The following ARHGAP24 variants were observed in gnomAD, a reference collection of about 807,000 sequenced individuals.
ARHGAP24 encodes the protein Rho GTPase activating protein 24.
ARHGAP24 carries 50 observed loss-of-function variants against 76.4 expected under a neutral mutation model. The observed-to-expected ratio is 0.65, with a 90% CI of 0.52 to 0.83. ARHGAP24 has a LOEUF of 0.83. Ranked by LOEUF, ARHGAP24 falls within the 40% of genes least tolerant of loss-of-function variation. The pLI, the probability that ARHGAP24 is intolerant of heterozygous loss-of-function variation, is 0.00. For synonymous variants in ARHGAP24, 345 were observed against 323.3 expected (o/e 1.07, Z -0.72); for missense variants, 930 against 914.2 (o/e 1.02, Z -0.22).
At chr4:85,734,368 T>C (rs1215182129) in intron 3 of ARHGAP24, among the ~76,000 whole-genome samples, 1 of 37,114 alleles carries the variant, frequency 2.7e-5, no homozygotes, top group Non-Finnish European at 1.5e-4. Flanking sequence ...TATTTGTGTA[T>C]TTTTTTCTTT....
intron 1 of ARHGAP24, among the ~76,000 whole-genome samples, chr4:85,536,892 G>C (rs1277161770): frequency 2.0e-5 from 3 of 152,064 alleles, no homozygotes; most frequent in Non-Finnish European, 4.4e-5. Context: ...TTAGGTCATA[G>C]GTGATTTTAT....
intron 2 of ARHGAP24, among the ~76,000 whole-genome samples, chr4:85,623,757 T>C (rs1720813423): frequency 6.6e-6 from 1 of 152,004 alleles, no homozygotes; most frequent in African/African-American, 2.4e-5. Context: ...TGTATCTTCT[T>C]TTATTTCATT....
chr4:85,718,553 T>C (rs1024350484), intron 2 of ARHGAP24, among the ~76,000 whole-genome samples: 1 of 152,124 alleles, frequency 6.6e-6, no homozygotes, highest in Admixed American at 6.6e-5. Flanking sequence ...TTTCCCTTAG[T>C]TATGGACTTT....
chr4:85,524,593 T>C (rs1288230465), intron 1 of ARHGAP24, among the ~76,000 whole-genome samples: 1 of 152,170 alleles, frequency 6.6e-6, no homozygotes, highest in African/African-American at 2.4e-5. Context: ...AGAGGATAAG[T>C]AACTTGCATA....
chr4:85,746,584 A>G (rs940516722), intron 3 of ARHGAP24, among the ~76,000 whole-genome samples: 2 of 152,032 alleles, frequency 1.3e-5, no homozygotes, highest in African/African-American at 2.4e-5. Context: ...TTGTGCCTGC[A>G]TGTATCTTTT....
chr4:85,738,082 A>G (rs2624020), intron 3 of ARHGAP24, among the ~76,000 whole-genome samples: 142,686 of 151,876 alleles, frequency 0.94, 67,704 homozygotes, highest in East Asian at 1. Context: ...CACCATGCCC[A>G]GCTAATTTTT....
chr4:85,695,283 A>C (rs1723827255), intron 2 of ARHGAP24, among the ~76,000 whole-genome samples: 1 of 152,220 alleles, frequency 6.6e-6, no homozygotes, highest in Admixed American at 6.5e-5. Context: ...CTTTCTAAAG[A>C]CCATGGTTCA....
At chr4:85,676,034 A>G (rs180837089) in intron 2 of ARHGAP24, among the ~76,000 whole-genome samples, 110 of 152,270 alleles carry the variant, frequency 7.2e-4, no homozygotes, top group Admixed American at 2.8e-3. Flanking sequence ...AGAAATGAAA[A>G]CAGTTTCCTA....
intron 3 of ARHGAP24, among the ~76,000 whole-genome samples, chr4:85,812,305 G>C (rs995693211): frequency 6.6e-5 from 10 of 152,106 alleles, no homozygotes; most frequent in Non-Finnish European, 1.3e-4. Flanking sequence ...ATGATTACTT[G>C]ATAATAACTA....
chr4:85,495,700 G>A (rs1302340025), intron 1 of ARHGAP24, among the ~76,000 whole-genome samples: 3 of 152,048 alleles, frequency 2.0e-5, no homozygotes, highest in African/African-American at 7.2e-5. Flanking sequence ...TATGAGGGGA[G>A]ATTGACTACT....
In ARHGAP24 at chr4:85,974,953, TATTTGC is replaced by T. The variant is rs1273848607; in HGVS notation, c.800_805del (p.Ile267_Cys268del). On this transcript the variant is annotated inframe_deletion and splice_region_variant, in exon 7 of 10. Coordinates refer to ENST00000395184, the MANE Select transcript of ARHGAP24 (RefSeq NM_001025616.3). ...TGGTAAATTACAACCTCCTCAAGTA[TATTTGC>T]AGGTAAGAACTGTCCTAAGGACAAA... 6.2e-7 allele frequency: 1 copy of T among 1,613,620 alleles called. No homozygotes were observed. The highest frequency in any genetic ancestry group is 8.5e-7 in the Non-Finnish European group (1 of 1,179,716).
chr4:85,946,337 T>C (rs1016603107), intron 5 of ARHGAP24, among the ~76,000 whole-genome samples: 11 of 152,236 alleles, frequency 7.2e-5, no homozygotes, highest in Admixed American at 2.6e-4. Flanking sequence ...GTTTTACTTT[T>C]TTCCATTTTT....
rs1297948051 is a variant in ARHGAP24, at chr4:85,590,161, T to TCTGCCTGC, written c.180+19467_180+19474dup. Among the ~76,000 whole-genome samples, 1,240 of 143,356 alleles carry TCTGCCTGC rather than the reference T, an allele frequency of 8.6e-3. 37 individuals carry two copies. The highest frequency in any genetic ancestry group is 0.032 in the African/African-American group (1,171 of 36,410). The allele number at this position is 143,356 out of a possible 152,430, so 94.0% of individuals were successfully genotyped here. On this transcript the variant is annotated intron_variant, in intron 2 of 9. Transcript: ENST00000395184. ...TTGGAATGAGAAAACTAACTTTCTT[T>TCTGCCTGC]CTGCCTGCCTGCCTGCCTGCCTGCC...
rs1210109366 is a variant in ARHGAP24 at position 85,733,060 on chromosome 4, C to CTTTTTTTTTTTTTTTTTTTTTTTTTTTTT, written c.268+11109_268+11110insTTTTTTTTTTTTTTTTTTTTTTTTTTTTT. Reference sequence around the variant, plus strand: ...CTATAGATCTTATAGGCCTCACCAACTTTTTTTTTTTTTTTTTTTTTGAGA... The same window carrying CTTTTTTTTTTTTTTTTTTTTTTTTTTTTT: ...CTATAGATCTTATAGGCCTCACCAACTTTTTTTTTTTTTTTTTTTTTTTTTTTTTTTTTTTTTTTTTTTTTTTTTTGAGA... On this transcript the variant is annotated intron_variant, in intron 3 of 9. Transcript: ENST00000395184. Among the ~76,000 whole-genome samples the CTTTTTTTTTTTTTTTTTTTTTTTTTTTTT allele has an allele frequency of 4.7e-4, 26 of 55,214 alleles. 8 individuals carry two copies. The highest frequency in any genetic ancestry group is 1.0e-3 in the African/African-American group (16 of 15,670). The allele number at this position is 55,214 out of a possible 152,430, so 36.2% of individuals were successfully genotyped here.
intron 3 of ARHGAP24, among the ~76,000 whole-genome samples, chr4:85,860,224 G>A (rs1391565061): frequency 6.6e-6 from 1 of 152,078 alleles, no homozygotes; most frequent in African/African-American, 2.4e-5. Flanking sequence ...TACTATTTAT[G>A]GAGAATATAA....
chr4:85,700,173 T>A (rs890344721), intron 2 of ARHGAP24, among the ~76,000 whole-genome samples: 1 of 151,966 alleles, frequency 6.6e-6, no homozygotes, highest in Non-Finnish European at 1.5e-5. Flanking sequence ...GGTGGGTGAA[T>A]CACCTGAGGT....
At chr4:85,556,127 G>A (rs1004740191) in intron 1 of ARHGAP24, among the ~76,000 whole-genome samples, 12 of 152,082 alleles carry the variant, frequency 7.9e-5, no homozygotes, top group African/African-American at 2.9e-4. Context: ...CTTGGGGCCC[G>A]ACTGGGTGAA....
chr4:85,867,645 C>G (rs963569786), intron 3 of ARHGAP24, among the ~76,000 whole-genome samples: 1 of 151,462 alleles, frequency 6.6e-6, no homozygotes, highest in African/African-American at 2.4e-5. Flanking sequence ...TAATAGTGCC[C>G]AGAAATATCA....
intron 3 of ARHGAP24, among the ~76,000 whole-genome samples, chr4:85,723,069 A>C (rs569493785): frequency 6.6e-6 from 1 of 152,250 alleles, no homozygotes; most frequent in African/African-American, 2.4e-5. Flanking sequence ...ATTTTAAGAA[A>C]CCTGAATCTT....
Sources: gnomAD v4.1 joint callset for allele counts (sites outside exome capture counted in the v4.1 genomes callset) on GRCh38, gnomAD v4.1.1 for gene constraint, MANE v1.5 for transcripts, NCBI Gene and HGNC (gene_info 2026-07-23, HGNC 2026-07-21) for gene names.